POLR3B: variants seen among roughly 807,000 people sequenced by gnomAD.
The protein encoded by POLR3B is DNA-directed RNA polymerase III subunit RPC2.
POLR3B carries 96 observed loss-of-function variants against 147.4 expected under a neutral mutation model. The ratio of observed to expected loss-of-function variants is 0.65; its 90% CI spans 0.55 to 0.77. POLR3B has a LOEUF of 0.77. Ranked by LOEUF, POLR3B falls within the 30% of genes least tolerant of loss-of-function variation. POLR3B has a pLI of 0.00. For missense variants in POLR3B, 1,036 were observed against 1,413.5 expected (o/e 0.73, Z 4.28); for synonymous variants, 461 against 485.9 (o/e 0.95, Z 0.67).
intron 10 of POLR3B, 124 bp from the exon 11 acceptor site, chr12:106,405,733 C>A: frequency 1.1e-6 from 1 of 891,160 alleles, no homozygotes; most frequent in Non-Finnish European, 1.8e-6. Context: ...CAACTAGACC[C>A]AGTACAGCTT....
chr12:106,497,973 C>G (rs2038522451), intron 25 of POLR3B, among the ~76,000 whole-genome samples: 1 of 152,172 alleles, frequency 6.6e-6, no homozygotes, highest in East Asian at 1.9e-4. Flanking sequence ...CAGGGCTGGT[C>G]TGTTTTGTTT....
At chr12:106,389,674 C>A (rs896496749) in intron 9 of POLR3B, among the ~76,000 whole-genome samples, 1 of 151,914 alleles carries the variant, frequency 6.6e-6, no homozygotes. Context: ...TCCAGAAATC[C>A]AAAATCTGAA....
chr12:106,390,265 T>C (rs1408995108), intron 9 of POLR3B, among the ~76,000 whole-genome samples: 30 of 132,800 alleles, frequency 2.3e-4, no homozygotes, highest in African/African-American at 5.1e-4. Context: ...AAAAACTCTC[T>C]CCCCCCCCAG....
At chr12:106,425,802 G>T (rs1457026570) in intron 12 of POLR3B, among the ~76,000 whole-genome samples, 3 of 152,070 alleles carry the variant, frequency 2.0e-5, no homozygotes, top group Admixed American at 2.0e-4. Context: ...TACACTATTT[G>T]CATCCTAACT....
At chr12:106,495,924 C>T in intron 23 of POLR3B, 131 bp from the exon 24 acceptor site, 1 of 764,810 alleles carries the variant, frequency 1.3e-6, no homozygotes. Context: ...TTTTGTTGCT[C>T]TTGATAGAGG....
intron 23 of POLR3B, among the ~76,000 whole-genome samples, chr12:106,483,184 G>T (rs112510027): frequency 0.034 from 5,187 of 152,196 alleles, 118 homozygotes; most frequent in Non-Finnish European, 0.052. Context: ...CTCACATTCC[G>T]CAAATGCTGT....
intron 23 of POLR3B, among the ~76,000 whole-genome samples, chr12:106,475,065 G>T (rs1215001409): frequency 7.5e-6 from 1 of 132,680 alleles, no homozygotes; most frequent in Admixed American, 7.4e-5. Context: ...GGTATGTTGT[G>T]TCTTTGTTCT....
At chr12:106,428,091 G>A (rs1056569359) in intron 13 of POLR3B, among the ~76,000 whole-genome samples, 2 of 152,146 alleles carry the variant, frequency 1.3e-5, no homozygotes, top group Admixed American at 6.6e-5. Context: ...CTGTGTGAGT[G>A]GCCCATACAG....
rs2036607245 is a variant in POLR3B, at chr12:106,371,550, C to A, written c.404+1867C>A. Among the ~76,000 whole-genome samples the A allele has an allele frequency of 2.0e-5, 3 of 151,368 alleles. No homozygotes were observed. In the Admixed American group the frequency reaches 2.0e-4, roughly 10 times the overall value. ...ACTTGGAACCAACCCAAATGTCCAACAATGATAGACTGGATTAAGAAAATG... is the reference window on the plus strand; with the variant it reads ...ACTTGGAACCAACCCAAATGTCCAAAAATGATAGACTGGATTAAGAAAATG... On this transcript the variant is annotated intron_variant, in intron 6 of 27. Transcript: ENST00000228347.
At chr12:106,360,390 T>C (rs1449572637) in intron 1 of POLR3B, among the ~76,000 whole-genome samples, 2 of 152,230 alleles carry the variant, frequency 1.3e-5, no homozygotes, top group African/African-American at 2.4e-5. Context: ...GAGATCTTTC[T>C]ACTCTGCTCA....
In POLR3B at chr12:106,433,849, T is replaced by C; in HGVS notation, c.1758T>C (p.Ser586=). 1 of 1,613,642 alleles carries C rather than the reference T, an allele frequency of 6.2e-7. No individual in the cohort carries two copies. Among genetic ancestry groups the C allele is most frequent in the Non-Finnish European group, 8.5e-7 (1 of 1,179,664 alleles). The change falls in exon 16 of 28, where the codon TCT becomes TCC. Residue 586 remains serine (S), a synonymous_variant. Coordinates refer to ENST00000228347, the MANE Select transcript of POLR3B (RefSeq NM_018082.6). ...TTACAGATCGATGTGTCTATATTTCTTCTGATGGGGGAAGGCTATGCAGGT... is the reference window on the plus strand; with the variant it reads ...TTACAGATCGATGTGTCTATATTTCCTCTGATGGGGGAAGGCTATGCAGGT... ...TNLTDRCVYI[S]SDGGRLCRPY...
intron 23 of POLR3B, among the ~76,000 whole-genome samples, chr12:106,469,723 G>C (rs940216655): frequency 6.6e-6 from 1 of 152,138 alleles, no homozygotes; most frequent in South Asian, 2.1e-4. Context: ...TAGTTTGGCT[G>C]GATATGAAAT....
chr12:106,446,073 G>A (rs140537473), intron 19 of POLR3B, among the ~76,000 whole-genome samples: 55 of 152,300 alleles, frequency 3.6e-4, no homozygotes, highest in Non-Finnish European at 6.9e-4. Flanking sequence ...TTCATCCTCA[G>A]TAGCGGTGTA....
At position 106,504,349 on chromosome 12, in the gene POLR3B, C is replaced by A; in HGVS notation, c.3272+95C>A. The A allele has an allele frequency of 9.8e-7, 1 of 1,019,418 alleles. No homozygotes were observed. The highest frequency in any genetic ancestry group is 1.6e-6 in the Non-Finnish European group (1 of 640,796). The allele number at this position is 1,019,418 out of a possible 1,614,324, so 63.1% of individuals were successfully genotyped here. On this transcript the variant is annotated intron_variant, in intron 27 of 27. Coordinates refer to ENST00000228347, the MANE Select transcript of POLR3B (RefSeq NM_018082.6). This position sits in a 1 kb window ranked among gnomAD's most constrained non-coding sequence, Gnocchi z 4.6. ...TGGATCCTATCCGCATATTCTCCAG[C>A]CTCTGTCTGTGATCACTAACATACC...
chr12:106,483,615 T>C (rs1166607830), intron 23 of POLR3B, among the ~76,000 whole-genome samples: 2 of 152,244 alleles, frequency 1.3e-5, no homozygotes, highest in Non-Finnish European at 2.9e-5. Context: ...ATCCATCTTC[T>C]AGTATAAGAG....
chr12:106,371,735 A>G (rs2036610320), intron 6 of POLR3B, among the ~76,000 whole-genome samples: 1 of 146,796 alleles, frequency 6.8e-6, no homozygotes, highest in Admixed American at 7.0e-5. Context: ...TGGGAATTGA[A>G]CAATGAGAAC....
intron 23 of POLR3B, among the ~76,000 whole-genome samples, chr12:106,485,444 A>G (rs959225590): frequency 6.6e-6 from 1 of 152,170 alleles, no homozygotes; most frequent in Non-Finnish European, 1.5e-5. Context: ...ATTCTATATG[A>G]AAAGTGGATT....
chr12:106,503,749 T>C (rs926876985), intron 26 of POLR3B, among the ~76,000 whole-genome samples: 5 of 152,268 alleles, frequency 3.3e-5, no homozygotes, highest in African/African-American at 1.2e-4. Context: ...GCTGTCCTAA[T>C]AATAATGATA....
intron 12 of POLR3B, among the ~76,000 whole-genome samples, chr12:106,421,696 T>C (rs944425953): frequency 1.3e-5 from 2 of 149,892 alleles, no homozygotes; most frequent in East Asian, 3.9e-4. Context: ...TTAATAACTT[T>C]ATATATATAT....
Sources: allele counts gnomAD v4.1 joint callset (sites outside exome capture counted in the v4.1 genomes callset), GRCh38; gene constraint gnomAD v4.1.1; non-coding constraint Gnocchi (gnomAD v3.1); transcripts MANE v1.5; gene names NCBI Gene and HGNC (gene_info 2026-07-23, HGNC 2026-07-21).